SPSB4: variants seen among roughly 807,000 people sequenced by gnomAD.
SPSB4 encodes splA/ryanodine receptor domain and SOCS box containing 4, also known as SPRY domain-containing SOCS box protein 4.
Under a neutral mutation model 20.9 loss-of-function variants are expected in SPSB4, and 21 were observed. The ratio of observed to expected loss-of-function variants is 1.01; its 90% confidence interval spans 0.71 to 1.45. The LOEUF is 1.45. Among genes scored for constraint, SPSB4 ranks in the 40% most tolerant of loss-of-function variants. The pLI is 0.00. For synonymous variants in SPSB4, 207 were observed against 183.8 expected (o/e 1.13, Z -1.02); for missense variants, 399 against 399.2 (o/e 1.00, Z 0.00).
At chr3:141,101,425 C>A (rs1938611071) in intron 2 of SPSB4, among the ~76,000 whole-genome samples, 1 of 152,202 alleles carries the variant, frequency 6.6e-6, no homozygotes, top group South Asian at 2.1e-4. Flanking sequence ...CCCTGCCCAC[C>A]TCCTCGCTCT....
intron 2 of SPSB4, among the ~76,000 whole-genome samples, chr3:141,125,217 A>G (rs1189111949): frequency 1.3e-5 from 2 of 152,202 alleles, no homozygotes; most frequent in Admixed American, 6.5e-5. Context: ...TGATTCCTCT[A>G]ACTTTCACAG....
At chr3:141,129,869 T>C (rs1195245979) in intron 2 of SPSB4, among the ~76,000 whole-genome samples, 2 of 152,222 alleles carry the variant, frequency 1.3e-5, no homozygotes, top group African/African-American at 4.8e-5. Context: ...GCACAAGAAG[T>C]AACTTGATAG....
At chr3:141,131,626 C>T (rs150624301) in intron 2 of SPSB4, among the ~76,000 whole-genome samples, 65 of 152,266 alleles carry the variant, frequency 4.3e-4, no homozygotes, top group African/African-American at 1.2e-3. Flanking sequence ...AAAGTTATGT[C>T]GAAAGATTCC....
In SPSB4 at chr3:141,052,004, C is replaced by T. The variant is rs1433364142; in HGVS notation, c.-154+12C>T. The T allele has an allele frequency of 6.5e-6, 1 of 152,678 alleles. No homozygotes were observed. The highest frequency in any genetic ancestry group is 1.9e-4 in the East Asian group (1 of 5,192). The allele number at this position is 152,678 out of a possible 1,614,324, so 9.5% of individuals were successfully genotyped here. The stretch of plus-strand genomic sequence containing the variant: ...CCCTCTCTTTTATGGTAAGTACTCT[C>T]CAGCTCCTGGTGAGGGGCGCGCGGG... On this transcript the variant is annotated intron_variant, in intron 1 of 2. Coordinates refer to ENST00000310546, the MANE Select transcript of SPSB4 (RefSeq NM_080862.3).
At chr3:141,062,700 T>C (rs1229312189) in intron 1 of SPSB4, among the ~76,000 whole-genome samples, 1 of 152,224 alleles carries the variant, frequency 6.6e-6, no homozygotes, top group Non-Finnish European at 1.5e-5. Context: ...GATTTTGTGA[T>C]CTATAATTTT....
intron 2 of SPSB4, among the ~76,000 whole-genome samples, chr3:141,082,197 C>T (rs370717639): frequency 1.8e-4 from 27 of 152,304 alleles, no homozygotes; most frequent in African/African-American, 6.5e-4. Flanking sequence ...CATGGCCCAT[C>T]GTGAGCCCCA....
intron 2 of SPSB4, among the ~76,000 whole-genome samples, chr3:141,135,573 A>G (rs1326357419): frequency 2.3e-4 from 33 of 145,912 alleles, no homozygotes; most frequent in African/African-American, 8.2e-4. Context: ...ATTCCCACCT[A>G]TGAGTGAGAA....
At chr3:141,068,357 C>T (rs754398562) in intron 2 of SPSB4, among the ~76,000 whole-genome samples, 1 of 152,220 alleles carries the variant, frequency 6.6e-6, no homozygotes, top group Non-Finnish European at 1.5e-5. Flanking sequence ...TTAGTCATCA[C>T]AGTGCCTTGT....
Position 141,141,291 on chromosome 3 carries a change from C to T in SPSB4, c.695-5851C>T, listed in dbSNP as rs12106906. Among the ~76,000 whole-genome samples the T allele has an allele frequency of 7.4e-3, 1,130 of 152,318 alleles. 19 individuals are homozygous for T. The highest frequency in any genetic ancestry group is 0.026 in the African/African-American group (1,074 of 41,558). ...CCCTTGCACTTCCCAGGTGAGGCGA[C>T]GCCTCGCCCTGCTTTGGCTCATGCA... On this transcript the variant is annotated intron_variant, in intron 2 of 2. Coordinates refer to ENST00000310546, the MANE Select transcript of SPSB4 (RefSeq NM_080862.3).
At chr3:141,076,316 C>T (rs570523618) in intron 2 of SPSB4, among the ~76,000 whole-genome samples, 100 of 152,380 alleles carry the variant, frequency 6.6e-4, no homozygotes, top group Non-Finnish European at 1.3e-3. Flanking sequence ...CCCTTCCCAG[C>T]TACCAAGTGA....
At chr3:141,058,077 C>T (rs1042183041) in intron 1 of SPSB4, among the ~76,000 whole-genome samples, 1 of 152,184 alleles carries the variant, frequency 6.6e-6, no homozygotes, top group Non-Finnish European at 1.5e-5. Flanking sequence ...AGAGGCCACA[C>T]AGAGAGAAGG....
rs1057308493 is a variant in SPSB4, at chr3:141,147,431, A to G, written c.*162A>G. ...CCAGGATGTGGTACCAACTTTGGAA[A>G]CGAAAGGTCTCTTGCCAACAGTATC... On this transcript the variant is annotated 3_prime_UTR_variant, in exon 3 of 3. Transcript: ENST00000310546. The G allele has an allele frequency of 8.0e-7, 1 of 1,250,914 alleles. No individual in the cohort carries two copies. Among genetic ancestry groups the G allele is most frequent in the South Asian group, 1.5e-5 (1 of 67,210 alleles). The allele number at this position is 1,250,914 out of a possible 1,614,324, so 77.5% of individuals were successfully genotyped here.
chr3:141,085,721 A>G (rs1938325910), intron 2 of SPSB4, among the ~76,000 whole-genome samples: 1 of 152,188 alleles, frequency 6.6e-6, no homozygotes, highest in African/African-American at 2.4e-5. Context: ...TGTGGGAAAG[A>G]ACACTGTGAT....
Position 141,066,722 on chromosome 3 carries a change from C to G in SPSB4, c.618C>G (p.Gly206=). Residue 206 remains glycine (G), a synonymous_variant, in exon 2 of 3, where the codon GGC becomes GGG. Transcript: ENST00000310546. ...YLGVAFRGLK[G]KKLYPVVSAV... ...GCGTGGCCTTCCGAGGTCTCAAGGGCAAGAAGCTGTACCCGGTGGTGAGTG... is the reference window on the plus strand; with the variant it reads ...GCGTGGCCTTCCGAGGTCTCAAGGGGAAGAAGCTGTACCCGGTGGTGAGTG... 6.2e-7 allele frequency: 1 copy of G among 1,610,074 alleles called. No individual in the cohort carries two copies. The highest frequency in any genetic ancestry group is 8.5e-7 in the Non-Finnish European group (1 of 1,178,012).
intron 2 of SPSB4, among the ~76,000 whole-genome samples, chr3:141,137,015 T>C (rs1272979659): frequency 6.6e-6 from 1 of 152,206 alleles, no homozygotes; most frequent in Non-Finnish European, 1.5e-5. Flanking sequence ...TTTTACTTCA[T>C]TGAGCAGTGG....
At chr3:141,070,271 G>A (rs1401520144) in intron 2 of SPSB4, among the ~76,000 whole-genome samples, 1 of 152,198 alleles carries the variant, frequency 6.6e-6, no homozygotes, top group Non-Finnish European at 1.5e-5. Context: ...GTCTGAGTGG[G>A]TGAGGGGGGT....
chr3:141,128,956 G>A (rs139259558), intron 2 of SPSB4, among the ~76,000 whole-genome samples: 122 of 152,260 alleles, frequency 8.0e-4, no homozygotes, highest in African/African-American at 2.8e-3. Context: ...ATGCCTCCTT[G>A]AGTAACTTTC....
In SPSB4 at chr3:141,123,327, A is replaced by G. The variant is rs140028403; in HGVS notation, c.695-23815A>G. Reference sequence around the variant, plus strand: ...CTGTGCCCCTTGTGTTGTCTCCGCCAATCTGCACCCTTGCTGAAAGGCAAC... The same window carrying G: ...CTGTGCCCCTTGTGTTGTCTCCGCCGATCTGCACCCTTGCTGAAAGGCAAC... On this transcript the variant is annotated intron_variant, in intron 2 of 2. Coordinates refer to ENST00000310546, the MANE Select transcript of SPSB4 (RefSeq NM_080862.3). Among the ~76,000 whole-genome samples, 696 of 152,348 alleles carry G rather than the reference A, an allele frequency of 4.6e-3. 8 individuals carry two copies. Among genetic ancestry groups the G allele is most frequent in the African/African-American group, 0.016 (649 of 41,578 alleles).
At chr3:141,065,899 G>A in intron 1 of SPSB4, 53 bp from the exon 2 acceptor site, 1 of 514,116 alleles carries the variant, frequency 1.9e-6, no homozygotes, top group Admixed American at 4.0e-5. Context: ...GAAGGGATTG[G>A]CAACTGGCTG....
Sources: gnomAD v4.1 joint callset for allele counts (sites outside exome capture counted in the v4.1 genomes callset) on GRCh38, gnomAD v4.1.1 for gene constraint, MANE v1.5 for transcripts, NCBI Gene and HGNC (gene_info 2026-07-23, HGNC 2026-07-21) for gene names.